Variants in PFKFB4 observed in about 807,000 individuals in gnomAD.
The protein encoded by PFKFB4 is 6-phosphofructo-2-kinase/fructose-2,6-bisphosphatase 4.
PFKFB4 carries 42 observed loss-of-function variants against 62.8 expected under a neutral mutation model. The ratio of observed to expected loss-of-function variants is 0.67; its 90% confidence interval spans 0.52 to 0.86. PFKFB4 has a LOEUF of 0.86. Ranked by LOEUF, PFKFB4 falls within the 40% of genes least tolerant of loss-of-function variation. PFKFB4 has a pLI of 0.00. For synonymous variants in PFKFB4, 204 were observed against 240.7 expected (o/e 0.85, Z 1.41); for missense variants, 475 against 627.2 (o/e 0.76, Z 2.59).
chr3:48,539,623 G>A, intron 5 of PFKFB4, 74 bp downstream of exon 5: 2 of 1,226,102 alleles, frequency 1.6e-6, no homozygotes, highest in Non-Finnish European at 2.4e-6. Context: ...TGCATAAGCA[G>A]GCGGTGAAAG....
rs574300140 is a variant in PFKFB4, at chr3:48,530,501, T to C, written c.988-4832A>G. 7.9e-5 allele frequency among the ~76,000 whole-genome samples: 12 copies of C among 152,198 alleles called. No homozygotes were observed. The East Asian group carries it at 1.9e-3, about 24-fold the overall frequency. On this transcript the variant is annotated intron_variant, in intron 9 of 13. Transcript: ENST00000232375. ...GGTAAAGACTATTGGAATAAAAACA[T>C]TGCCTACCTTTCAAATAACAAAAAA...
upstream of PFKFB4, chr3:48,563,101 C>T (rs2043463752): frequency 1.2e-6 from 2 of 1,611,344 alleles, no homozygotes; most frequent in Non-Finnish European, 1.7e-6. This position sits in a 1 kb window ranked among gnomAD's most constrained non-coding sequence, Gnocchi z 4.5. Context: ...GGACCATCAG[C>T]AACAGCAGAG....
At chr3:48,519,914 A>G (rs2042042089) in intron 13 of PFKFB4, 108 bp from the exon 14 acceptor site, 1 of 820,596 alleles carries the variant, frequency 1.2e-6, no homozygotes, top group Non-Finnish European at 2.0e-6. Flanking sequence ...TTCTCACTGT[A>G]GCAGCCACAG....
chr3:48,524,160 C>T (rs1376334263), intron 10 of PFKFB4, among the ~76,000 whole-genome samples: 1 of 152,188 alleles, frequency 6.6e-6, no homozygotes, highest in African/African-American at 2.4e-5. Context: ...GAGAAGACCT[C>T]GCCTGCTTCC....
At position 48,538,151 on chromosome 3, in the gene PFKFB4, A is replaced by G. The variant is rs560415091; in HGVS notation, c.632+347T>C. Reference sequence around the variant, plus strand: ...TGTGACAGCAGAGTGAGTGCCTGCAACAGAGACTGTACATCCTCCAAGGTC... The same window carrying G: ...TGTGACAGCAGAGTGAGTGCCTGCAGCAGAGACTGTACATCCTCCAAGGTC... On this transcript the variant is annotated intron_variant, in intron 7 of 13. Transcript: ENST00000232375. Among the ~76,000 whole-genome samples the G allele has an allele frequency of 2.0e-5, 3 of 152,350 alleles. No homozygotes were observed. The South Asian group carries it at 6.2e-4, about 32-fold the overall frequency.
In PFKFB4 at chr3:48,535,635, G is replaced by A. The variant is rs753728508; in HGVS notation, c.864C>T (p.Phe288=). 1.9e-6 allele frequency: 3 copies of A among 1,614,084 alleles called. No individual in the cohort carries two copies. Among genetic ancestry groups the A allele is most frequent in the South Asian group, 1.1e-5 (1 of 91,066 alleles). The part of the protein sequence containing the change: ...GREFAKSLAQ[F]ISDQNIKDLK... ...GATCCTTGATATTTTGGTCACTGAT[G>A]AACTGGGCTAGACTCTTGGCAAACT... Residue 288 remains phenylalanine, a synonymous_variant, in exon 9 of 14, where the codon TTC becomes TTT. Coordinates refer to ENST00000232375, the MANE Select transcript of PFKFB4 (RefSeq NM_004567.4).
At chr3:48,540,613 A>T (rs1174009793) in intron 4 of PFKFB4, among the ~76,000 whole-genome samples, 3 of 151,864 alleles carry the variant, frequency 2.0e-5, no homozygotes, top group African/African-American at 4.8e-5. Context: ...GTTTTTATTT[A>T]AAAAAAATTT....
In PFKFB4 at chr3:48,523,695, C is replaced by T; in HGVS notation, c.1222+6G>A. 6.2e-7 allele frequency: 1 copy of T among 1,614,140 alleles called. No individual in the cohort carries two copies. Among genetic ancestry groups the T allele is most frequent in the Non-Finnish European group, 8.5e-7 (1 of 1,180,000 alleles). On this transcript the variant is annotated splice_donor_region_variant and intron_variant, in intron 11 of 13. Coordinates refer to ENST00000232375, the MANE Select transcript of PFKFB4 (RefSeq NM_004567.4). ...CTTCCCACCTCCCCCGGGGCACAGC[C>T]CACACCTGCTGCCTTGTCGAGGAAG...
At chr3:48,542,203 G>A (rs773746470) in intron 4 of PFKFB4, among the ~76,000 whole-genome samples, 11 of 151,370 alleles carry the variant, frequency 7.3e-5, no homozygotes, top group Non-Finnish European at 1.5e-4. Context: ...GCACAGTGGC[G>A]GGGGCTTGTA....
intron 10 of PFKFB4, among the ~76,000 whole-genome samples, chr3:48,524,527 G>A (rs1159081320): frequency 6.6e-6 from 1 of 152,180 alleles, no homozygotes; most frequent in East Asian, 1.9e-4. Flanking sequence ...ATCCTAGACC[G>A]GTTCTTTTGG....
Position 48,521,870 on chromosome 3 carries a change from A to T in PFKFB4, c.1350+116T>A. Reference sequence around the variant, plus strand: ...GCTGATGGGACAACAGTCTTGGCAGAAGACTCAAGCTCCCTCTGGCAGGTG... The same window carrying T: ...GCTGATGGGACAACAGTCTTGGCAGTAGACTCAAGCTCCCTCTGGCAGGTG... On this transcript the variant is annotated intron_variant, in intron 13 of 13. Coordinates refer to ENST00000232375, the MANE Select transcript of PFKFB4 (RefSeq NM_004567.4). The surrounding 1 kb of genome is among the most constrained non-coding windows in gnomAD (Gnocchi z 5.3). 1 of 884,572 alleles carries T rather than the reference A, an allele frequency of 1.1e-6. No individual in the cohort carries two copies. Among genetic ancestry groups the T allele is most frequent in the Non-Finnish European group, 1.9e-6 (1 of 526,214 alleles). The allele number at this position is 884,572 out of a possible 1,614,324, so 54.8% of individuals were successfully genotyped here.
chr3:48,538,492 A>G lies in PFKFB4; in HGVS notation c.632+6T>C. The G allele has an allele frequency of 6.2e-7, 1 of 1,613,584 alleles. No homozygotes were observed. Among genetic ancestry groups the G allele is most frequent in the Non-Finnish European group, 8.5e-7 (1 of 1,179,940 alleles). ...AGCTGCAGGGCCTGGCGCTGCCCTG[A>G]CTCACCTATCCAGGTCCTCATCTAG... On this transcript the variant is annotated splice_donor_region_variant and intron_variant, in intron 7 of 13. Coordinates refer to ENST00000232375, the MANE Select transcript of PFKFB4 (RefSeq NM_004567.4).
upstream of PFKFB4, chr3:48,562,687 CTG>C: frequency 1.7e-6 from 2 of 1,200,160 alleles, no homozygotes; most frequent in Non-Finnish European, 2.3e-6. This position sits in a 1 kb window ranked among gnomAD's most constrained non-coding sequence, Gnocchi z 4.3. Context: ...CGTCCAGACA[CTG>C]TATGCCCAGA....
intron 12 of PFKFB4, among the ~76,000 whole-genome samples, chr3:48,522,763 C>CTT (rs112668189): frequency 3.5e-5 from 5 of 143,760 alleles, no homozygotes; most frequent in South Asian, 2.2e-4. Context: ...TCACAACAAA[C>CTT]TTTTTTTTTT....
intron 9 of PFKFB4, among the ~76,000 whole-genome samples, chr3:48,527,151 G>A (rs563941098): frequency 2.6e-5 from 4 of 152,132 alleles, no homozygotes; most frequent in East Asian, 1.9e-4. Flanking sequence ...CCCCGCTGAC[G>A]CCTTGATTTC....
chr3:48,562,574 T>C (rs994309321), upstream of PFKFB4: 2 of 589,740 alleles, frequency 3.4e-6, no homozygotes, highest in Admixed American at 6.8e-5. This position sits in a 1 kb window ranked among gnomAD's most constrained non-coding sequence, Gnocchi z 4.3. Context: ...GTCCAGGCTG[T>C]CCAGACACAC....
chr3:48,534,238 C>T (rs1441512071), intron 9 of PFKFB4, among the ~76,000 whole-genome samples: 1 of 152,060 alleles, frequency 6.6e-6, no homozygotes, highest in Non-Finnish European at 1.5e-5. Flanking sequence ...GTTCAGTGAC[C>T]TGTGGGATGA....
rs776332395 is a variant in PFKFB4, at chr3:48,538,549, C to A, written c.581G>T (p.Arg194Leu). ...GTAGGAGTTCTCATAGCACTCAATG[C>A]GCCTCATGAAGTCCTCCGTAGCCTC... ...SDEATEDFMR[R>L]IECYENSYES... is the part of the protein sequence containing the mutation. Residue 194 changes from arginine (R) to leucine (L), a missense_variant, in exon 7 of 14, where the codon CGC becomes CTC. Coordinates refer to ENST00000232375, the MANE Select transcript of PFKFB4 (RefSeq NM_004567.4). 2.5e-6 allele frequency: 4 copies of A among 1,614,120 alleles called. No individual in the cohort carries two copies. The highest frequency in any genetic ancestry group is 2.2e-5 in the East Asian group (1 of 44,882).
intron 6 of PFKFB4, 101 bp downstream of exon 6, chr3:48,539,153 T>A: frequency 2.3e-6 from 2 of 877,508 alleles, no homozygotes; most frequent in Admixed American, 3.9e-5. Context: ...ACTTCCTCCC[T>A]ACCCCCACAA....
Sources: gnomAD v4.1 joint callset for allele counts (sites outside exome capture counted in the v4.1 genomes callset) on GRCh38, gnomAD v4.1.1 for gene constraint, Gnocchi (gnomAD v3.1) non-coding constraint, MANE v1.5 for transcripts, NCBI Gene and HGNC (gene_info 2026-07-23, HGNC 2026-07-21) for gene names.